The following PTPDC1 variants were observed in gnomAD, a reference collection of about 807,000 sequenced individuals.
PTPDC1 encodes protein tyrosine phosphatase domain containing 1.
A neutral mutation model predicts 75.3 loss-of-function variants in PTPDC1; 53 were observed. That is an observed-to-expected ratio of 0.70 (90% CI 0.56 to 0.88). The LOEUF is 0.88. Ranked by LOEUF, PTPDC1 falls within the 40% of genes least tolerant of loss-of-function variation. The probability of loss-of-function intolerance (pLI) is 0.00; values close to 1 mark genes in which losing one functional copy is unlikely to be tolerated. For missense variants in PTPDC1, 925 were observed against 998.6 expected (o/e 0.93, Z 0.99); for synonymous variants, 349 against 366.2 (o/e 0.95, Z 0.54).
chr9:94,064,366 G>A (rs916090958), intron 1 of PTPDC1, among the ~76,000 whole-genome samples: 6 of 152,122 alleles, frequency 3.9e-5, no homozygotes, highest in African/African-American at 1.4e-4. Flanking sequence ...CTGGTGTCTG[G>A]CACATAGAAA....
At chr9:94,041,080 A>G (rs965648214) in intron 1 of PTPDC1, among the ~76,000 whole-genome samples, 2 of 152,074 alleles carry the variant, frequency 1.3e-5, no homozygotes, top group Admixed American at 6.6e-5. Flanking sequence ...CCTTCATTCT[A>G]TATGCCTTTT....
At chr9:94,046,386 T>G (rs1158847253) in intron 1 of PTPDC1, among the ~76,000 whole-genome samples, 2 of 152,170 alleles carry the variant, frequency 1.3e-5, no homozygotes, top group African/African-American at 4.8e-5. Context: ...GTGAAGAAAG[T>G]CATCGGTAGC....
At position 94,101,644 on chromosome 9, in the gene PTPDC1, T is replaced by C; in HGVS notation, c.2092T>C (p.Trp698Arg). 6.2e-7 allele frequency: 1 copy of C among 1,613,960 alleles called. No homozygotes were observed. The highest frequency in any genetic ancestry group is 8.5e-7 in the Non-Finnish European group (1 of 1,179,884). ...RDPFILCSLM[W>R]SWVEQLKEPV... ...CCCTTTCATCCTATGCAGCTTGATG[T>C]GGTCTTGGGTGGAGCAACTGAAGGA... is the stretch of plus-strand genomic sequence containing the variant. The change falls in exon 7 of 9, where the codon TGG (tryptophan) becomes CGG (arginine). Residue 698 changes from tryptophan to arginine, a missense_variant. By Grantham distance (101) the Trp-to-Arg change is moderately radical (BLOSUM62 -3). Coordinates refer to ENST00000620992, the MANE Select transcript of PTPDC1 (RefSeq NM_001253829.2).
intron 1 of PTPDC1, among the ~76,000 whole-genome samples, chr9:94,033,574 A>G (rs1829767442): frequency 6.6e-6 from 1 of 152,124 alleles, no homozygotes; most frequent in East Asian, 1.9e-4. Flanking sequence ...TCACTTTCCT[A>G]ATCTTTAAAA....
chr9:94,058,214 G>A (rs966226276), intron 1 of PTPDC1, among the ~76,000 whole-genome samples: 6 of 152,120 alleles, frequency 3.9e-5, no homozygotes, highest in Non-Finnish European at 8.8e-5. Flanking sequence ...GCACAGGAAG[G>A]TGCAGAGGGC....
At chr9:94,057,688 A>G (rs1348371322) in intron 1 of PTPDC1, among the ~76,000 whole-genome samples, 1 of 152,266 alleles carries the variant, frequency 6.6e-6, no homozygotes. Flanking sequence ...GACAGTGAAC[A>G]GAGTCAAGAC....
At chr9:94,038,746 A>T (rs1219071154) in intron 1 of PTPDC1, among the ~76,000 whole-genome samples, 1 of 152,206 alleles carries the variant, frequency 6.6e-6, no homozygotes, top group African/African-American at 2.4e-5. Flanking sequence ...ACCAAGCAAG[A>T]TTCACCTGTG....
Position 94,068,311 on chromosome 9 carries a change from T to C in PTPDC1, c.82+3490T>C, listed in dbSNP as rs530288443. Among the ~76,000 whole-genome samples, 8 of 152,336 alleles carry C rather than the reference T, an allele frequency of 5.3e-5. No individual in the cohort carries two copies. In the South Asian group the frequency reaches 1.7e-3, roughly 32 times the overall value. On this transcript the variant is annotated intron_variant, in intron 2 of 9. Coordinates refer to the PTPDC1 transcript ENST00000375360. ...ATATCCTTTAATAGGAAAATGATTC[T>C]GGTAATGTTTTTTAAATCCCTTTCA...
rs1827615749 is a variant in PTPDC1 at position 94,097,308 on chromosome 9, C to G, written c.755-13C>G. On this transcript the variant is annotated splice_polypyrimidine_tract_variant and intron_variant, in intron 5 of 8. Transcript: ENST00000620992. Reference sequence around the variant, plus strand: ...GCTTTTCTCATACCAGTCTTCTCTTCTTCACTGTTTAGGTGTTTTAATAGC... The same window carrying G: ...GCTTTTCTCATACCAGTCTTCTCTTGTTCACTGTTTAGGTGTTTTAATAGC... 1 of 1,533,342 alleles carries G rather than the reference C, an allele frequency of 6.5e-7. No individual in the cohort carries two copies. Among genetic ancestry groups the G allele is most frequent in the Non-Finnish European group, 8.9e-7 (1 of 1,129,396 alleles). 95.0% of individuals were successfully genotyped at this position (1,533,342 alleles called of 1,614,324 possible). A position where few individuals can be genotyped will look rare whatever the true frequency, so the allele number is the denominator to read the frequency against.
intron 8 of PTPDC1, among the ~76,000 whole-genome samples, chr9:94,105,099 A>T (rs1827968844): frequency 6.6e-6 from 1 of 152,224 alleles, no homozygotes; most frequent in African/African-American, 2.4e-5. Context: ...GTTATTATTT[A>T]TACTCATTAA....
At chr9:94,104,166 A>G (rs1224727717) in intron 7 of PTPDC1, 109 bp from the exon 8 acceptor site, 4 of 599,148 alleles carry the variant, frequency 6.7e-6, no homozygotes, top group Non-Finnish European at 1.2e-5. Flanking sequence ...GGCATTTGAC[A>G]TTATGAGTAC....
intron 1 of PTPDC1, among the ~76,000 whole-genome samples, chr9:94,043,577 C>T (rs935548847): frequency 9.9e-5 from 15 of 151,996 alleles, no homozygotes; most frequent in Admixed American, 1.3e-4. Flanking sequence ...ATAAATGAGC[C>T]AGACGTGGTG....
chr9:94,036,035 G>GTTTTTTTTTTT (rs563126003), intron 1 of PTPDC1, among the ~76,000 whole-genome samples: 1 of 118,666 alleles, frequency 8.4e-6, no homozygotes, highest in Non-Finnish European at 1.8e-5. Flanking sequence ...TTTTTTTTTT[G>GTTTTTTTTTTT]TTTTTTTTTT....
chr9:94,050,199 C>T (rs576177253), intron 1 of PTPDC1, among the ~76,000 whole-genome samples: 7 of 152,124 alleles, frequency 4.6e-5, no homozygotes, highest in South Asian at 2.1e-4. Context: ...CATCTGAAGC[C>T]TTCTTCTCTC....
chr9:94,101,305 A>G, intron 6 of PTPDC1: 1 of 333,146 alleles, frequency 3.0e-6, no homozygotes, highest in Non-Finnish European at 5.4e-6. Flanking sequence ...AACCGACCTT[A>G]TCTCAGTCAA....
chr9:94,085,192 A>G lies in PTPDC1; in HGVS notation c.245-59A>G, dbSNP rs147367073. The G allele has an allele frequency of 4.4e-4, 641 of 1,453,298 alleles. 5 individuals carry two copies. The African/African-American group carries it at 8.2e-3, about 19-fold the overall frequency. 90.0% of individuals were successfully genotyped at this position (1,453,298 alleles called of 1,614,324 possible). On this transcript the variant is annotated intron_variant, in intron 1 of 8. Coordinates refer to ENST00000620992, the MANE Select transcript of PTPDC1 (RefSeq NM_001253829.2). ...TGAGATAAAATGGAAGCTATTTCCCATGTTACAATTTCATTTGGAGAGTGG... is the reference window on the plus strand; with the variant it reads ...TGAGATAAAATGGAAGCTATTTCCCGTGTTACAATTTCATTTGGAGAGTGG...
chr9:94,094,656 G>A (rs1021345139), intron 4 of PTPDC1, among the ~76,000 whole-genome samples: 1 of 152,234 alleles, frequency 6.6e-6, no homozygotes, highest in Non-Finnish European at 1.5e-5. Flanking sequence ...CTGGGCAATG[G>A]CGGGCACCCC....
chr9:94,063,176 T>C (rs1277410970), intron 1 of PTPDC1, among the ~76,000 whole-genome samples: 1 of 152,236 alleles, frequency 6.6e-6, no homozygotes, highest in Non-Finnish European at 1.5e-5. Context: ...GGACCTTCTC[T>C]GGGACATGGT....
intron 1 of PTPDC1, among the ~76,000 whole-genome samples, chr9:94,032,386 A>G (rs1414936308): frequency 1.3e-5 from 2 of 152,136 alleles, no homozygotes; most frequent in Non-Finnish European, 2.9e-5. Context: ...GTTCTAGTCT[A>G]ATTTCCCACC....
Sources: gnomAD v4.1 joint callset for allele counts (sites outside exome capture counted in the v4.1 genomes callset) on GRCh38, gnomAD v4.1.1 for gene constraint, MANE v1.5 for transcripts, NCBI Gene and HGNC (gene_info 2026-07-23, HGNC 2026-07-21) for gene names.